Variants in NKAIN2 observed in about 807,000 individuals in gnomAD.
The protein encoded by NKAIN2 is sodium/potassium-transporting ATPase subunit beta-1-interacting protein 2.
A neutral mutation model predicts 32.6 loss-of-function variants in NKAIN2; 14 were observed. The observed-to-expected ratio is 0.43, with a 90% CI of 0.28 to 0.67. The LOEUF (loss-of-function observed/expected upper bound fraction) is 0.67. Among genes scored for constraint, NKAIN2 ranks in the 30% least tolerant of loss-of-function variants. The pLI, the probability that NKAIN2 is intolerant of heterozygous loss-of-function variation, is 0.17. For synonymous variants in NKAIN2, 80 were observed against 87.2 expected, an observed-to-expected ratio of 0.92 and a Z score of 0.46; for missense variants, 198 against 258.3, an observed-to-expected ratio of 0.77 and a Z score of 1.60.
intron 3 of NKAIN2, among the ~76,000 whole-genome samples, chr6:124,372,104 T>G (rs1799795839): frequency 6.6e-6 from 1 of 152,088 alleles, no homozygotes; most frequent in Admixed American, 6.6e-5. Context: ...CTGGATTGGT[T>G]TTGATGATAA....
intron 5 of NKAIN2, among the ~76,000 whole-genome samples, chr6:124,811,813 T>C (rs1290945769): frequency 6.6e-6 from 1 of 152,166 alleles, no homozygotes; most frequent in Non-Finnish European, 1.5e-5. Context: ...TCCAAACTTA[T>C]CAAATTGCAC....
chr6:123,838,398 G>A (rs975612495), intron 1 of NKAIN2, among the ~76,000 whole-genome samples: 2 of 152,008 alleles, frequency 1.3e-5, no homozygotes, highest in Non-Finnish European at 2.9e-5. Flanking sequence ...ATAATAATGA[G>A]TGTCCTTGTC....
intron 3 of NKAIN2, among the ~76,000 whole-genome samples, chr6:124,357,690 C>T (rs1475746551): frequency 1.3e-5 from 2 of 152,046 alleles, no homozygotes; most frequent in African/African-American, 4.8e-5. Flanking sequence ...TAAGTGATGG[C>T]TTCATAATGG....
At chr6:124,502,566 G>A (rs184656377) in intron 3 of NKAIN2, among the ~76,000 whole-genome samples, 20 of 152,134 alleles carry the variant, frequency 1.3e-4, no homozygotes, top group Admixed American at 1.2e-3. Context: ...AATGGTTTGT[G>A]TGTAGACTTT....
At chr6:124,426,012 A>C (rs1774966604) in intron 3 of NKAIN2, among the ~76,000 whole-genome samples, 1 of 152,152 alleles carries the variant, frequency 6.6e-6, no homozygotes, top group Non-Finnish European at 1.5e-5. Context: ...CTTTATCTTC[A>C]ATGTTCATGT....
intron 3 of NKAIN2, among the ~76,000 whole-genome samples, chr6:124,590,520 T>C (rs1347332692): frequency 7.1e-6 from 1 of 140,424 alleles, no homozygotes; most frequent in Non-Finnish European, 1.6e-5. Flanking sequence ...AACGGGAACA[T>C]GAGAGCCGAT....
At chr6:124,120,968 A>G (rs995857220) in intron 1 of NKAIN2, among the ~76,000 whole-genome samples, 5 of 152,136 alleles carry the variant, frequency 3.3e-5, no homozygotes, top group African/African-American at 1.2e-4. Flanking sequence ...TAAGGCACAG[A>G]TTTCTTTTAC....
intron 1 of NKAIN2, among the ~76,000 whole-genome samples, chr6:124,092,369 GA>G (rs1238601736): frequency 6.6e-6 from 1 of 152,078 alleles, no homozygotes; most frequent in Non-Finnish European, 1.5e-5. Context: ...GAGATCATCA[GA>G]GGTTTAGAAA....
chr6:124,546,247 A>G (rs574579), intron 3 of NKAIN2, among the ~76,000 whole-genome samples: 150,858 of 152,238 alleles, frequency 0.99, 74,754 homozygotes, highest in East Asian at 1. Flanking sequence ...TAGTTTCTTA[A>G]TTTCCTTTAG....
chr6:124,285,366 C>CT (rs1239512962), intron 2 of NKAIN2, among the ~76,000 whole-genome samples: 6 of 151,940 alleles, frequency 3.9e-5, no homozygotes, highest in African/African-American at 7.2e-5. Flanking sequence ...GCACTGTCAT[C>CT]TTTTTTTTGC....
At chr6:124,738,845 T>G (rs1270012940) in intron 4 of NKAIN2, among the ~76,000 whole-genome samples, 1 of 151,900 alleles carries the variant, frequency 6.6e-6, no homozygotes, top group Non-Finnish European at 1.5e-5. Flanking sequence ...AAAGGACATA[T>G]TATATGAGAA....
At chr6:123,860,246 G>C (rs1241436376) in intron 1 of NKAIN2, among the ~76,000 whole-genome samples, 3 of 152,028 alleles carry the variant, frequency 2.0e-5, no homozygotes, top group Non-Finnish European at 4.4e-5. Flanking sequence ...ACAGATGGAA[G>C]AAAAGATGCA....
intron 1 of NKAIN2, among the ~76,000 whole-genome samples, chr6:124,075,432 C>A (rs911140354): frequency 6.6e-6 from 1 of 152,082 alleles, no homozygotes; most frequent in Non-Finnish European, 1.5e-5. Context: ...TTTCAGAAAT[C>A]TCTGAAATCT....
intron 1 of NKAIN2, among the ~76,000 whole-genome samples, chr6:123,987,912 A>G (rs1779217991): frequency 6.6e-6 from 1 of 152,208 alleles, no homozygotes; most frequent in African/African-American, 2.4e-5. Flanking sequence ...TTTCACGCCA[A>G]GTATGGAGAT....
chr6:124,058,654 C>A (rs981008936), intron 1 of NKAIN2, among the ~76,000 whole-genome samples: 2 of 151,990 alleles, frequency 1.3e-5, no homozygotes, highest in Non-Finnish European at 1.5e-5. Context: ...AACTGGAGAG[C>A]CACACTCAGT....
intron 4 of NKAIN2, among the ~76,000 whole-genome samples, chr6:124,757,218 T>C (rs1338809545): frequency 6.6e-6 from 1 of 152,226 alleles, no homozygotes; most frequent in Non-Finnish European, 1.5e-5. Context: ...ATCATTTATC[T>C]GTCCTCTGAT....
chr6:123,896,994 C>G (rs1774315062), intron 1 of NKAIN2, among the ~76,000 whole-genome samples: 1 of 152,148 alleles, frequency 6.6e-6, no homozygotes, highest in South Asian at 2.1e-4. Context: ...ATGTATCACC[C>G]TACTTGACTC....
intron 3 of NKAIN2, among the ~76,000 whole-genome samples, chr6:124,363,988 T>C (rs1799405451): frequency 6.6e-6 from 1 of 152,016 alleles, no homozygotes; most frequent in East Asian, 1.9e-4. Context: ...ATAAACAATA[T>C]ATTAGAGAAA....
intron 1 of NKAIN2, among the ~76,000 whole-genome samples, chr6:124,148,408 TC>T (rs567160277): frequency 5.9e-5 from 9 of 151,914 alleles, no homozygotes; most frequent in South Asian, 2.1e-4. Flanking sequence ...CTTCCTTATC[TC>T]CCCCCCGACC....
Sources: gnomAD v4.1 joint callset for allele counts (sites outside exome capture counted in the v4.1 genomes callset) on GRCh38, gnomAD v4.1.1 for gene constraint, MANE v1.5 for transcripts, NCBI Gene and HGNC (gene_info 2026-07-23, HGNC 2026-07-21) for gene names.